NCALD: variants seen among roughly 807,000 people sequenced by gnomAD.
NCALD encodes neurocalcin delta, also known as neurocalcin-delta.
A neutral mutation model predicts 18.6 loss-of-function variants in NCALD; 10 were observed. That is an observed-to-expected ratio of 0.54 (90% CI 0.33 to 0.91). The LOEUF (loss-of-function observed/expected upper bound fraction) is 0.91, where lower values mean the gene tolerates loss of function less well. Ranked by LOEUF, NCALD falls within the 40% of genes least tolerant of loss-of-function variation. NCALD has a pLI of 0.03. For missense variants in NCALD, 184 were observed against 247.6 expected (o/e 0.74, Z 1.72); for synonymous variants, 88 against 87.4 (o/e 1.01, Z -0.04).
In NCALD at chr8:101,774,805, T is replaced by C. The variant is rs576499999; in HGVS notation, c.-20+16057A>G. ...TCAGCCTTGTTTGCATAAGAACCATTTAACAATGGCTCTCTCTATCTACTA... is the reference window on the plus strand; with the variant it reads ...TCAGCCTTGTTTGCATAAGAACCATCTAACAATGGCTCTCTCTATCTACTA... On this transcript the variant is annotated intron_variant, in intron 1 of 3. Transcript: ENST00000220931. Among the ~76,000 whole-genome samples, 6 of 152,328 alleles carry C rather than the reference T, an allele frequency of 3.9e-5. No individual in the cohort carries two copies. The East Asian group carries it at 1.2e-3, about 29-fold the overall frequency.
At chr8:101,694,895 C>T (rs978249437) in intron 2 of NCALD, among the ~76,000 whole-genome samples, 4 of 152,108 alleles carry the variant, frequency 2.6e-5, no homozygotes, top group African/African-American at 9.7e-5. Flanking sequence ...ATTTAACACG[C>T]CCAGGTGAAT....
At chr8:101,825,038 C>T (rs1196640673) in intron 4 of NCALD, among the ~76,000 whole-genome samples, 1 of 152,144 alleles carries the variant, frequency 6.6e-6, no homozygotes, top group Non-Finnish European at 1.5e-5. Flanking sequence ...TGAAGTGTCC[C>T]AATGTAGATA....
At chr8:101,761,328 G>A (rs1252494037) in intron 1 of NCALD, among the ~76,000 whole-genome samples, 1 of 152,178 alleles carries the variant, frequency 6.6e-6, no homozygotes, top group African/African-American at 2.4e-5. Context: ...AAGCCATTTA[G>A]TCAAAGTTTA....
intron 2 of NCALD, among the ~76,000 whole-genome samples, chr8:101,698,513 A>G (rs565707365): frequency 1.3e-5 from 2 of 152,332 alleles, no homozygotes; most frequent in South Asian, 4.1e-4. Flanking sequence ...GAAGCATTAC[A>G]TTACCTGACT....
intron 3 of NCALD, among the ~76,000 whole-genome samples, chr8:101,909,129 T>C (rs563151241): frequency 6.6e-6 from 1 of 152,216 alleles, no homozygotes; most frequent in Non-Finnish European, 1.5e-5. Flanking sequence ...TTCTTCAGCC[T>C]TTTACTGCCT....
chr8:102,117,275 A>T (rs192733643), intron 1 of NCALD, among the ~76,000 whole-genome samples: 1 of 152,328 alleles, frequency 6.6e-6, no homozygotes, highest in Non-Finnish European at 1.5e-5. Context: ...CCGGCCAGGG[A>T]CTATATGAAG....
At chr8:101,907,624 CTCATT>C (rs1225318125) in intron 3 of NCALD, among the ~76,000 whole-genome samples, 30 of 151,768 alleles carry the variant, frequency 2.0e-4, no homozygotes, top group Admixed American at 1.8e-3. Flanking sequence ...CTTTGTATCC[CTCATT>C]TCATTTAATT....
chr8:101,881,757 T>C, intron 4 of NCALD, among the ~76,000 whole-genome samples: 1 of 152,146 alleles, frequency 6.6e-6, no homozygotes, highest in Non-Finnish European at 1.5e-5. Flanking sequence ...TATTATCACG[T>C]TAGAATTTCA....
rs555956321 is a variant in NCALD at position 101,872,837 on chromosome 8, CA to C, written c.-20+14303del. Among the ~76,000 whole-genome samples, 175 of 152,238 alleles carry C rather than the reference CA, an allele frequency of 1.1e-3. 2 individuals carry two copies. Among genetic ancestry groups the C allele is most frequent in the African/African-American group, 4.1e-3 (169 of 41,536 alleles). ...CCTGTTTAGAGCATGATCCCAATAGCAGGAAGTGTATTGAAGAATATCATAC... is the reference window on the plus strand; with the variant it reads ...CCTGTTTAGAGCATGATCCCAATAGCGGAAGTGTATTGAAGAATATCATAC... On this transcript the variant is annotated intron_variant, in intron 4 of 6. Coordinates refer to the NCALD transcript ENST00000311028.
At chr8:101,978,331 A>G (rs1820498829) in intron 2 of NCALD, among the ~76,000 whole-genome samples, 1 of 152,188 alleles carries the variant, frequency 6.6e-6, no homozygotes. Flanking sequence ...TCCTTCATCC[A>G]GGCTCCCAGA....
intron 2 of NCALD, among the ~76,000 whole-genome samples, chr8:101,947,095 A>G (rs1470096140): frequency 1.3e-5 from 2 of 152,206 alleles, no homozygotes; most frequent in South Asian, 4.1e-4. Flanking sequence ...AGGAGATGGA[A>G]CATGGCTTTA....
At chr8:101,722,147 CA>C (rs1816388921) in intron 1 of NCALD, among the ~76,000 whole-genome samples, 2 of 152,162 alleles carry the variant, frequency 1.3e-5, no homozygotes, top group Non-Finnish European at 2.9e-5. Context: ...CCTCTTTAGG[CA>C]GAATCAAGCA....
intron 4 of NCALD, among the ~76,000 whole-genome samples, chr8:101,811,252 T>A (rs1055747762): frequency 6.6e-6 from 1 of 151,752 alleles, no homozygotes; most frequent in Non-Finnish European, 1.5e-5. Flanking sequence ...ATCACAAGAG[T>A]TCTTTAAAGT....
chr8:101,925,429 C>T (rs1029313221), intron 2 of NCALD, among the ~76,000 whole-genome samples: 10 of 151,868 alleles, frequency 6.6e-5, no homozygotes, highest in Non-Finnish European at 1.2e-4. Context: ...AGTAATAAAA[C>T]GGGATCAGTT....
intron 1 of NCALD, among the ~76,000 whole-genome samples, chr8:102,046,373 C>T (rs6991144): frequency 0.1 from 15,195 of 152,206 alleles, 868 homozygotes; most frequent in African/African-American, 0.16. Flanking sequence ...GAGACAACTT[C>T]TACAAATTAG....
chr8:102,087,640 G>A (rs974517208), intron 1 of NCALD, among the ~76,000 whole-genome samples: 1 of 152,156 alleles, frequency 6.6e-6, no homozygotes, highest in Non-Finnish European at 1.5e-5. Context: ...TGGCACTATG[G>A]GATGTTAACT....
chr8:101,896,495 A>C (rs1817178808), intron 3 of NCALD, among the ~76,000 whole-genome samples: 1 of 151,888 alleles, frequency 6.6e-6, no homozygotes, highest in African/African-American at 2.4e-5. Flanking sequence ...CAATGGCAAC[A>C]AAAGACAAAA....
chr8:102,108,809 A>C (rs911402637), intron 1 of NCALD, among the ~76,000 whole-genome samples: 1 of 152,218 alleles, frequency 6.6e-6, no homozygotes, highest in African/African-American at 2.4e-5. Context: ...TATAGTGATC[A>C]AAGTAGCTAA....
chr8:102,050,867 A>G (rs1662085347), intron 1 of NCALD, among the ~76,000 whole-genome samples: 1 of 145,940 alleles, frequency 6.9e-6, no homozygotes, highest in African/African-American at 2.5e-5. Flanking sequence ...TAATTTAATT[A>G]ATTTTTAATT....
Sources: gnomAD v4.1 joint callset for allele counts (sites outside exome capture counted in the v4.1 genomes callset) on GRCh38, gnomAD v4.1.1 for gene constraint, MANE v1.5 for transcripts, NCBI Gene and HGNC (gene_info 2026-07-23, HGNC 2026-07-21) for gene names.